AKAP7: variants seen among roughly 807,000 people sequenced by gnomAD.
The protein encoded by AKAP7 is A-kinase anchoring protein 7, also known as A kinase (PRKA) anchor protein 7.
In AKAP7, 39 loss-of-function variants were observed where a neutral mutation model predicts 39.5. The observed-to-expected ratio is 0.99, with a 90% CI of 0.76 to 1.29. The LOEUF is 1.29. Ranked by LOEUF, AKAP7 falls within the 50% of genes most tolerant of loss-of-function variation. The pLI is 0.00. For missense variants in AKAP7, 414 were observed against 407.7 expected (o/e 1.02, Z -0.13); for synonymous variants, 140 against 139.1 (o/e 1.01, Z -0.05).
chr6:131,164,693 G>T (rs1160299302), intron 3 of AKAP7, among the ~76,000 whole-genome samples: 1 of 152,140 alleles, frequency 6.6e-6, no homozygotes, highest in Non-Finnish European at 1.5e-5. Flanking sequence ...CCTTTCTGTG[G>T]CAAGAATAAA....
At chr6:131,191,373 A>G (rs1308176538) in intron 5 of AKAP7, among the ~76,000 whole-genome samples, 1 of 152,242 alleles carries the variant, frequency 6.6e-6, no homozygotes, top group African/African-American at 2.4e-5. Flanking sequence ...TTGGTAATTT[A>G]TATGAACTCT....
intron 7 of AKAP7, among the ~76,000 whole-genome samples, chr6:131,258,705 T>C (rs1159403550): frequency 6.6e-6 from 1 of 152,240 alleles, no homozygotes; most frequent in Non-Finnish European, 1.5e-5. Flanking sequence ...AGAATAAGTA[T>C]AGCTTTAACT....
At chr6:131,274,657 C>T (rs1280173238) in intron 7 of AKAP7, among the ~76,000 whole-genome samples, 3 of 151,958 alleles carry the variant, frequency 2.0e-5, no homozygotes, top group East Asian at 1.9e-4. Context: ...TATATTTGTC[C>T]CTCTTCAGTC....
In AKAP7 at chr6:131,278,957, A is replaced by C. The variant is rs374581273; in HGVS notation, c.851-2573A>C. On this transcript the variant is annotated intron_variant, in intron 7 of 7. Coordinates refer to ENST00000431975, the MANE Select transcript of AKAP7 (RefSeq NM_016377.4). The stretch of plus-strand genomic sequence containing the variant: ...GTGGAAGCCTCTGAGGAGATGTTGG[A>C]AGCTGACAGTGGAGGTGTGCAGTGG... Among the ~76,000 whole-genome samples the C allele has an allele frequency of 2.3e-4, 35 of 152,290 alleles. No homozygotes were observed. The South Asian group carries it at 7.2e-3, about 32-fold the overall frequency.
chr6:131,245,153 A>G (rs1396746995), intron 7 of AKAP7, among the ~76,000 whole-genome samples: 2 of 152,210 alleles, frequency 1.3e-5, no homozygotes, highest in Non-Finnish European at 2.9e-5. Flanking sequence ...TTTGGTTACA[A>G]AATGACTACA....
chr6:131,232,628 C>G (rs1331359407), intron 7 of AKAP7, among the ~76,000 whole-genome samples: 1 of 151,976 alleles, frequency 6.6e-6, no homozygotes, highest in African/African-American at 2.4e-5. Context: ...GCCAACATGG[C>G]AAAACCCTGT....
At chr6:131,241,185 G>A (rs1270626684) in intron 7 of AKAP7, among the ~76,000 whole-genome samples, 1 of 152,114 alleles carries the variant, frequency 6.6e-6, no homozygotes, top group Non-Finnish European at 1.5e-5. Flanking sequence ...GATGGTTGAG[G>A]GGGAGCAGGA....
intron 7 of AKAP7, among the ~76,000 whole-genome samples, chr6:131,241,131 A>G: frequency 6.6e-6 from 1 of 152,094 alleles, no homozygotes; most frequent in Non-Finnish European, 1.5e-5. Flanking sequence ...ACATTATTAG[A>G]TTTGTATTTA....
intron 7 of AKAP7, among the ~76,000 whole-genome samples, chr6:131,242,698 C>T (rs1023076574): frequency 6.6e-6 from 1 of 152,008 alleles, no homozygotes; most frequent in Non-Finnish European, 1.5e-5. Context: ...CTGACTTTTG[C>T]CCCGAAGGTG....
At chr6:131,229,208 T>G (rs948833308) in intron 7 of AKAP7, among the ~76,000 whole-genome samples, 13 of 152,254 alleles carry the variant, frequency 8.5e-5, no homozygotes, top group African/African-American at 3.1e-4. Context: ...TCACAGCAAG[T>G]ACAACTGACA....
chr6:131,226,230 G>A (rs1810152852), intron 7 of AKAP7, among the ~76,000 whole-genome samples: 1 of 152,222 alleles, frequency 6.6e-6, no homozygotes, highest in African/African-American at 2.4e-5. Flanking sequence ...CCTGCCAGCT[G>A]TTGCCTGCTT....
intron 3 of AKAP7, among the ~76,000 whole-genome samples, chr6:131,161,763 TA>T (rs1802990953): frequency 6.6e-6 from 1 of 150,790 alleles, no homozygotes; most frequent in African/African-American, 2.4e-5. Flanking sequence ...TACATTTTAT[TA>T]AAATACTTGC....
In AKAP7 at chr6:131,176,382, G is replaced by T. The variant is rs537549811; in HGVS notation, c.589+7109G>T. ...ATATTGAAAATTTTGCATTTATATG[G>T]CATGTTCCCACATTTTATAATGAAT... On this transcript the variant is annotated intron_variant, in intron 5 of 7. Transcript: ENST00000431975. Among the ~76,000 whole-genome samples, 4 of 152,026 alleles carry T rather than the reference G, an allele frequency of 2.6e-5. No homozygotes were observed. In the South Asian group the frequency reaches 8.3e-4, roughly 32 times the overall value.
intron 6 of AKAP7, among the ~76,000 whole-genome samples, chr6:131,219,006 C>T (rs1477774510): frequency 6.6e-6 from 1 of 152,102 alleles, no homozygotes; most frequent in Non-Finnish European, 1.5e-5. Context: ...CAGTGGCCCA[C>T]GTCTGTAATC....
chr6:131,160,272 C>T lies in AKAP7; in HGVS notation c.291+74C>T, dbSNP rs1802825183. 23 of 1,448,186 alleles carry T rather than the reference C, an allele frequency of 1.6e-5. No individual in the cohort carries two copies. In the South Asian group the frequency reaches 1.6e-4, roughly 10 times the overall value. The allele number at this position is 1,448,186 out of a possible 1,614,324, so 89.7% of individuals were successfully genotyped here. A position where few individuals can be genotyped will look rare whatever the true frequency, so the allele number is the denominator to read the frequency against. ...TAAAGTACAACTAAATGCTTATTAG[C>T]CCACTTGCTCTTAGCTTTTAAGAGT... is the stretch of plus-strand genomic sequence containing the variant. On this transcript the variant is annotated intron_variant, in intron 3 of 7. Transcript: ENST00000431975.
At chr6:131,275,815 A>G (rs1814698306) in intron 7 of AKAP7, among the ~76,000 whole-genome samples, 1 of 152,234 alleles carries the variant, frequency 6.6e-6, no homozygotes, top group South Asian at 2.1e-4. Context: ...AAAGAAATGA[A>G]GATTCCAAAT....
chr6:131,222,673 G>A (rs1444670699), intron 7 of AKAP7, among the ~76,000 whole-genome samples: 1 of 152,168 alleles, frequency 6.6e-6, no homozygotes, highest in African/African-American at 2.4e-5. Flanking sequence ...GTGGTTTCTT[G>A]AGATGGAATC....
chr6:131,165,016 A>T, intron 3 of AKAP7, 65 bp from the exon 4 acceptor site: 1 of 1,309,052 alleles, frequency 7.6e-7, no homozygotes, highest in Non-Finnish European at 1.0e-6. Flanking sequence ...TTTACATTTT[A>T]CCATAAAGAA....
At chr6:131,179,061 G>A (rs1006036291) in intron 5 of AKAP7, among the ~76,000 whole-genome samples, 1 of 152,150 alleles carries the variant, frequency 6.6e-6, no homozygotes, top group Non-Finnish European at 1.5e-5. Flanking sequence ...GAGAGTCCCT[G>A]CCCACTGTGA....
Sources: gnomAD v4.1 joint callset for allele counts (sites outside exome capture counted in the v4.1 genomes callset) on GRCh38, gnomAD v4.1.1 for gene constraint, MANE v1.5 for transcripts, NCBI Gene and HGNC (gene_info 2026-07-23, HGNC 2026-07-21) for gene names.